Variants in DTNBP1 observed in about 807,000 individuals in gnomAD.
DTNBP1 encodes the protein dysbindin.
In DTNBP1, 35 loss-of-function variants were observed where a neutral mutation model predicts 42.8. The ratio of observed to expected loss-of-function variants is 0.82; its 90% CI spans 0.63 to 1.09. The LOEUF (loss-of-function observed/expected upper bound fraction) is 1.09, where lower values mean the gene tolerates loss of function less well. Among genes scored for constraint, DTNBP1 ranks in the 50% least tolerant of loss-of-function variants. The probability of loss-of-function intolerance (pLI) is 0.00; values close to 1 mark genes in which losing one functional copy is unlikely to be tolerated. For missense variants in DTNBP1, 457 were observed against 424.2 expected (o/e 1.08, Z -0.68); for synonymous variants, 171 against 162.2 (o/e 1.05, Z -0.41).
intron 7 of DTNBP1, among the ~76,000 whole-genome samples, chr6:15,568,659 C>G (rs1581335964): frequency 6.6e-6 from 1 of 152,284 alleles, no homozygotes; most frequent in East Asian, 1.9e-4. Flanking sequence ...CCTCCTCTTA[C>G]TCTATGTGAA....
At chr6:15,620,020 T>C (rs1237864639) in intron 5 of DTNBP1, among the ~76,000 whole-genome samples, 2 of 152,056 alleles carry the variant, frequency 1.3e-5, no homozygotes, top group East Asian at 3.9e-4. Context: ...AACATGAATT[T>C]GGTCGGGGGG....
chr6:15,631,833 T>C (rs1467301568), intron 4 of DTNBP1, among the ~76,000 whole-genome samples: 1 of 152,234 alleles, frequency 6.6e-6, no homozygotes, highest in South Asian at 2.1e-4. Context: ...TTCTACTTAA[T>C]GCCAACTCAT....
chr6:15,522,840 T>TA lies in DTNBP1; in HGVS notation c.*134_*135insT. ...CCTCACACTTTATTGTTAGCTGTTC[T>TA]TTAAGTTTCTCACACATTATTGGCA... On this transcript the variant is annotated 3_prime_UTR_variant, in exon 10 of 10. Transcript: ENST00000344537. 1 of 1,487,634 alleles carries TA rather than the reference T, an allele frequency of 6.7e-7. No homozygotes were observed. The highest frequency in any genetic ancestry group is 9.3e-7 in the Non-Finnish European group (1 of 1,078,068). The allele number at this position is 1,487,634 out of a possible 1,614,324, so 92.2% of individuals were successfully genotyped here. A position where few individuals can be genotyped will look rare whatever the true frequency, so the allele number is the denominator to read the frequency against.
At chr6:15,574,295 A>G (rs1315568322) in intron 7 of DTNBP1, among the ~76,000 whole-genome samples, 2 of 152,224 alleles carry the variant, frequency 1.3e-5, no homozygotes, top group Non-Finnish European at 2.9e-5. Context: ...TTCATCTCAC[A>G]TCCTTAGCAT....
intron 4 of DTNBP1, among the ~76,000 whole-genome samples, chr6:15,628,236 G>A (rs192050178): frequency 1.3e-5 from 2 of 152,168 alleles, no homozygotes; most frequent in South Asian, 2.1e-4. Flanking sequence ...GGAGCAAGAA[G>A]AGGTGATCTT....
intron 5 of DTNBP1, among the ~76,000 whole-genome samples, chr6:15,624,785 G>C (rs1759244745): frequency 6.6e-6 from 1 of 151,594 alleles, no homozygotes; most frequent in Admixed American, 6.6e-5. Flanking sequence ...AAGGTATTTG[G>C]GTAATAATAG....
chr6:15,540,699 T>C (rs953461042), intron 7 of DTNBP1, among the ~76,000 whole-genome samples: 4 of 152,212 alleles, frequency 2.6e-5, no homozygotes, highest in Non-Finnish European at 5.9e-5. Flanking sequence ...TGGAGTGCAG[T>C]GGCGCGATCT....
intron 9 of DTNBP1, chr6:15,523,909 G>A: frequency 1.6e-6 from 2 of 1,287,274 alleles, no homozygotes; most frequent in Non-Finnish European, 2.0e-6. Context: ...TGGCTGAGGT[G>A]CTGCTGGGAC....
intron 9 of DTNBP1, chr6:15,523,888 C>A (rs979597088): frequency 7.8e-7 from 1 of 1,287,112 alleles, no homozygotes; most frequent in Non-Finnish European, 1.0e-6. Context: ...AATGGTAGAA[C>A]CTTCTACAGA....
intron 4 of DTNBP1, among the ~76,000 whole-genome samples, chr6:15,631,411 C>A (rs907948756): frequency 2.6e-5 from 4 of 152,144 alleles, no homozygotes; most frequent in Non-Finnish European, 4.4e-5. Context: ...ATTGTTAATG[C>A]TTCTAATAAT....
intron 5 of DTNBP1, among the ~76,000 whole-genome samples, chr6:15,618,681 C>T (rs546858155): frequency 7.9e-5 from 12 of 152,130 alleles, no homozygotes; most frequent in African/African-American, 2.9e-4. Flanking sequence ...CTTAAAAATT[C>T]AAAAGTAGAA....
chr6:15,566,583 T>G (rs548384132), intron 7 of DTNBP1, among the ~76,000 whole-genome samples: 2 of 152,010 alleles, frequency 1.3e-5, no homozygotes, highest in African/African-American at 4.8e-5. Flanking sequence ...TAACCTCACA[T>G]GACAGATAAA....
At chr6:15,650,336 G>A (rs1262944134) in intron 3 of DTNBP1, among the ~76,000 whole-genome samples, 3 of 152,088 alleles carry the variant, frequency 2.0e-5, no homozygotes, top group Admixed American at 6.5e-5. Flanking sequence ...GCACTGGCAC[G>A]ATCTCGGCTC....
intron 1 of DTNBP1, among the ~76,000 whole-genome samples, chr6:15,659,250 G>T (rs1761453075): frequency 6.6e-6 from 1 of 152,234 alleles, no homozygotes; most frequent in African/African-American, 2.4e-5. Context: ...GCCTTCATAT[G>T]AGTTTTCAGA....
chr6:15,633,450 C>T (rs1024790785), intron 4 of DTNBP1, among the ~76,000 whole-genome samples: 1 of 152,140 alleles, frequency 6.6e-6, no homozygotes, highest in Admixed American at 6.5e-5. Flanking sequence ...TTGATTCCAA[C>T]CCTCATGGAT....
chr6:15,629,145 T>A (rs1254383721), intron 4 of DTNBP1, among the ~76,000 whole-genome samples: 1 of 152,114 alleles, frequency 6.6e-6, no homozygotes, highest in Non-Finnish European at 1.5e-5. Context: ...GAAACAAGGA[T>A]CTATGTTCAC....
chr6:15,580,748 T>C (rs1775792274), intron 7 of DTNBP1, among the ~76,000 whole-genome samples: 1 of 152,228 alleles, frequency 6.6e-6, no homozygotes, highest in Non-Finnish European at 1.5e-5. Context: ...CTTTTACAGT[T>C]ATTTTAAAAA....
Position 15,644,081 on chromosome 6 carries a change from G to T in DTNBP1, c.162-6277C>A, listed in dbSNP as rs575801360. On this transcript the variant is annotated intron_variant, in intron 3 of 9. Transcript: ENST00000344537. ...GACACCCATAGGCTCAAAATAAAGGGATGGAGAAAGATCTTTCATGCAAAT... is the reference window on the plus strand; with the variant it reads ...GACACCCATAGGCTCAAAATAAAGGTATGGAGAAAGATCTTTCATGCAAAT... 1.9e-3 allele frequency among the ~76,000 whole-genome samples: 289 copies of T among 151,800 alleles called. 4 individuals carry two copies. In the Middle Eastern group the frequency reaches 0.024, roughly 13 times the overall value.
chr6:15,563,389 T>A (rs1774928431), intron 7 of DTNBP1, among the ~76,000 whole-genome samples: 1 of 152,184 alleles, frequency 6.6e-6, no homozygotes, highest in Non-Finnish European at 1.5e-5. Context: ...ATTAAAAACT[T>A]TTAAAGCCAT....
Sources: gnomAD v4.1 joint callset for allele counts (sites outside exome capture counted in the v4.1 genomes callset) on GRCh38, gnomAD v4.1.1 for gene constraint, MANE v1.5 for transcripts, NCBI Gene and HGNC (gene_info 2026-07-23, HGNC 2026-07-21) for gene names.